Variants in GIGYF2 observed in about 807,000 individuals in gnomAD.
GIGYF2 encodes GRB10-interacting GYF protein 2.
GIGYF2 carries 25 observed loss-of-function variants against 208.1 expected under a neutral mutation model. That is an observed-to-expected ratio of 0.12 (90% CI 0.09 to 0.17). GIGYF2 has a LOEUF of 0.17. GIGYF2 is among the 10% of genes least tolerant of loss of function. GIGYF2 has a pLI of 1.00. For missense variants in GIGYF2, 1,302 were observed against 1,579.4 expected, an observed-to-expected ratio of 0.82 and a Z score of 2.98; for synonymous variants, 534 against 543.8, an observed-to-expected ratio of 0.98 and a Z score of 0.25.
At chr2:232,799,269 T>A (rs185649765) in intron 14 of GIGYF2, among the ~76,000 whole-genome samples, 8 of 151,946 alleles carry the variant, frequency 5.3e-5, no homozygotes, top group Non-Finnish European at 8.8e-5. Context: ...ATGGGCCAGG[T>A]GTGGTGGTTC....
At position 232,756,297 on chromosome 2, in the gene GIGYF2, G is replaced by T. The variant is rs140646543; in HGVS notation, c.342G>T (p.Val114=). 1.3e-6 allele frequency: 2 copies of T among 1,586,254 alleles called. No homozygotes were observed. The highest frequency in any genetic ancestry group is 1.7e-6 in the Non-Finnish European group (2 of 1,169,658). ...LTGRGGGGTV[V]GAPRGRSSSR... is the part of the protein sequence containing the mutation. ...GACGAGGAGGAGGAGGAACAGTGGT[G>T]GGGGCTCCTAGAGGTCGAAGTTCTT... Residue 114 remains valine (V), a synonymous_variant, in exon 6 of 29, where the codon GTG becomes GTT. Transcript: ENST00000373563.
intron 2 of GIGYF2, chr2:232,729,688 G>T: frequency 2.4e-6 from 2 of 818,688 alleles, no homozygotes; most frequent in Non-Finnish European, 4.2e-6. Context: ...ATGAGCCCCA[G>T]ACTAAGCCAT....
rs201962512 is a variant in GIGYF2 at position 232,847,453 on chromosome 2, A to C, written c.3566A>C (p.Lys1189Thr). Reference sequence around the variant, plus strand: ...ACTTCTGAGGCCAAGGAGTTTGCCAAGCAGTTCCTTGAGCGCCGTGCCAAA... The same window carrying C: ...ACTTCTGAGGCCAAGGAGTTTGCCACGCAGTTCCTTGAGCGCCGTGCCAAA... ...GDTSEAKEFA[K>T]QFLERRAKQK... The change falls in exon 27 of 29, where the codon AAG becomes ACG. Residue 1189 changes from lysine (K) to threonine (T), a missense_variant. Coordinates refer to ENST00000373563, the MANE Select transcript of GIGYF2 (RefSeq NM_001103146.3). 6.8e-5 allele frequency: 110 copies of C among 1,613,980 alleles called. No individual in the cohort carries two copies. The Admixed American group carries it at 1.8e-3, about 27-fold the overall frequency.
chr2:232,818,894 G>A (rs1700992081), intron 20 of GIGYF2, among the ~76,000 whole-genome samples: 1 of 152,128 alleles, frequency 6.6e-6, no homozygotes, highest in Non-Finnish European at 1.5e-5. Flanking sequence ...ATAAGTGTTC[G>A]AATGAAAGTC....
intron 14 of GIGYF2, among the ~76,000 whole-genome samples, chr2:232,800,888 C>CT (rs1028608502): frequency 7.3e-5 from 11 of 149,706 alleles, no homozygotes; most frequent in African/African-American, 1.2e-4. Context: ...CTGTCTCTCG[C>CT]TTTTTTTGAG....
chr2:232,804,611 C>A (rs1187966491), intron 14 of GIGYF2, among the ~76,000 whole-genome samples: 1 of 152,086 alleles, frequency 6.6e-6, no homozygotes, highest in Non-Finnish European at 1.5e-5. Flanking sequence ...CCTGCCTCAG[C>A]CTCCCAAGTA....
chr2:232,823,874 G>T (rs1488875841), intron 21 of GIGYF2, among the ~76,000 whole-genome samples: 1 of 152,180 alleles, frequency 6.6e-6, no homozygotes, highest in Admixed American at 6.5e-5. Flanking sequence ...TGGCAGCCCT[G>T]CATCGACCAA....
At chr2:232,760,654 T>C in intron 7 of GIGYF2, 63 bp downstream of exon 7, 1 of 1,031,512 alleles carries the variant, frequency 9.7e-7, no homozygotes, top group East Asian at 2.5e-5. Context: ...TTTTTTGCTT[T>C]CTGCGGGGAG....
intron 3 of GIGYF2, among the ~76,000 whole-genome samples, chr2:232,745,170 C>T (rs1172883784): frequency 1.3e-5 from 2 of 152,082 alleles, no homozygotes; most frequent in South Asian, 2.1e-4. Context: ...GGTTGTTTAA[C>T]TTGTTTTATG....
In GIGYF2 at chr2:232,699,406, A is replaced by C. The variant is rs186003753; in HGVS notation, c.-110+2014A>C. ...TGAGATGGATTATTTGCTATCCTGA[A>C]TTCTTTTTTCTTATCTCTTGTGATT... On this transcript the variant is annotated intron_variant, in intron 1 of 28. Transcript: ENST00000373563. 2.0e-3 allele frequency among the ~76,000 whole-genome samples: 299 copies of C among 152,264 alleles called. 1 individual carries two copies. Among genetic ancestry groups the C allele is most frequent in the Non-Finnish European group, 3.4e-3 (229 of 68,014 alleles).
intron 3 of GIGYF2, among the ~76,000 whole-genome samples, chr2:232,738,427 A>G (rs753377563): frequency 1.1e-4 from 16 of 152,134 alleles, no homozygotes; most frequent in South Asian, 6.2e-4. Flanking sequence ...CTGACAATCT[A>G]TATAACCCTC....
Position 232,802,712 on chromosome 2 carries a change from C to T in GIGYF2, c.1640-3779C>T, listed in dbSNP as rs190061157. Among the ~76,000 whole-genome samples the T allele has an allele frequency of 2.7e-3, 407 of 152,138 alleles. 3 individuals are homozygous for T. Among genetic ancestry groups the T allele is most frequent in the Admixed American group, 4.4e-3 (68 of 15,290 alleles). On this transcript the variant is annotated intron_variant, in intron 14 of 28. Coordinates refer to ENST00000373563, the MANE Select transcript of GIGYF2 (RefSeq NM_001103146.3). The stretch of plus-strand genomic sequence containing the variant: ...TATTGGTCTATATTTTTCTTTAGAG[C>T]CTTTGTCTGACTTTGATACCAGGGT...
intron 8 of GIGYF2, 62 bp from the exon 9 acceptor site, chr2:232,787,088 T>A: frequency 1.6e-6 from 2 of 1,223,766 alleles, no homozygotes; most frequent in East Asian, 4.6e-5. Context: ...GCTGTGAAGT[T>A]TGTTTTCAAA....
At chr2:232,753,371 G>A (rs1698406577) in intron 5 of GIGYF2, among the ~76,000 whole-genome samples, 1 of 152,098 alleles carries the variant, frequency 6.6e-6, no homozygotes. Context: ...TGATCCGCCT[G>A]CCTTGGCCTC....
intron 1 of GIGYF2, among the ~76,000 whole-genome samples, chr2:232,702,825 C>T (rs1695916897): frequency 6.6e-6 from 1 of 152,192 alleles, no homozygotes; most frequent in Non-Finnish European, 1.5e-5. Context: ...GATAAGGTCT[C>T]ACTCTGTCAC....
chr2:232,721,844 T>G (rs1334182469), intron 2 of GIGYF2, among the ~76,000 whole-genome samples: 1 of 152,188 alleles, frequency 6.6e-6, no homozygotes, highest in Non-Finnish European at 1.5e-5. Flanking sequence ...TCTATGTAGC[T>G]GATCCATCTG....
At chr2:232,843,654 G>T (rs532627194) in intron 23 of GIGYF2, among the ~76,000 whole-genome samples, 4 of 151,182 alleles carry the variant, frequency 2.6e-5, no homozygotes, top group Non-Finnish European at 5.9e-5. Flanking sequence ...TGGGCAGATC[G>T]CTTGAGGCCA....
intron 8 of GIGYF2, 28 bp downstream of exon 8, chr2:232,761,464 A>C (rs1297071774): frequency 7.0e-7 from 1 of 1,429,986 alleles, no homozygotes; most frequent in Admixed American, 1.7e-5. Flanking sequence ...ACACATAAGG[A>C]TAAATTTATT....
intron 28 of GIGYF2, among the ~76,000 whole-genome samples, chr2:232,855,827 C>T (rs1443232130): frequency 1.3e-5 from 2 of 152,142 alleles, no homozygotes; most frequent in Admixed American, 6.5e-5. Context: ...GGTAGACCTC[C>T]TGCATGAACT....
Sources: gnomAD v4.1 joint callset for allele counts (sites outside exome capture counted in the v4.1 genomes callset) on GRCh38, gnomAD v4.1.1 for gene constraint, MANE v1.5 for transcripts, NCBI Gene and HGNC (gene_info 2026-07-23, HGNC 2026-07-21) for gene names.